The following BMP2K variants were observed in gnomAD, a reference collection of about 807,000 sequenced individuals.
BMP2K encodes the protein BMP2 inducible kinase.
BMP2K carries 74 observed loss-of-function variants against 116.0 expected under a neutral mutation model. The observed-to-expected ratio is 0.64, with a 90% CI of 0.53 to 0.77. BMP2K has a LOEUF of 0.77. Among genes scored for constraint, BMP2K ranks in the 30% least tolerant of loss-of-function variants. The probability of loss-of-function intolerance (pLI) is 0.00; values close to 1 mark genes in which losing one functional copy is unlikely to be tolerated. For missense variants in BMP2K, 1,365 were observed against 1,403.6 expected (o/e 0.97, Z 0.44); for synonymous variants, 486 against 502.5 (o/e 0.97, Z 0.44).
chr4:78,839,931 C>T (rs1730677414), intron 3 of BMP2K, among the ~76,000 whole-genome samples: 1 of 152,156 alleles, frequency 6.6e-6, no homozygotes, highest in Admixed American at 6.5e-5. Context: ...AAATGTTAAT[C>T]TCCTTTGGGA....
At chr4:78,842,587 G>A (rs1577918071) in intron 4 of BMP2K, 60 bp downstream of exon 4, 1 of 1,436,656 alleles carries the variant, frequency 7.0e-7, no homozygotes, top group Admixed American at 2.1e-5. Context: ...TGTTCTTGGA[G>A]TATTTTCATC....
At chr4:78,865,348 A>G (rs565419231) in intron 9 of BMP2K, among the ~76,000 whole-genome samples, 56 of 152,098 alleles carry the variant, frequency 3.7e-4, no homozygotes, top group Admixed American at 1.0e-3. Flanking sequence ...ATGGTTGTGT[A>G]CTGTTTTAAG....
intron 14 of BMP2K, 135 bp from the exon 15 acceptor site, chr4:78,887,039 A>C: frequency 1.6e-6 from 1 of 615,228 alleles, no homozygotes; most frequent in Admixed American, 2.9e-5. Context: ...TTACAGTGAT[A>C]GATTCTGAAC....
At chr4:78,783,500 C>T (rs1383867836) in intron 1 of BMP2K, among the ~76,000 whole-genome samples, 1 of 152,128 alleles carries the variant, frequency 6.6e-6, no homozygotes, top group African/African-American at 2.4e-5. Flanking sequence ...GCATTTATCT[C>T]CAGTAAAGGT....
At chr4:78,818,179 T>A (rs564490792) in intron 1 of BMP2K, among the ~76,000 whole-genome samples, 1 of 152,176 alleles carries the variant, frequency 6.6e-6, no homozygotes, top group African/African-American at 2.4e-5. Context: ...ACGTGCAGGT[T>A]TGTTACATAG....
intron 12 of BMP2K, 166 bp from the exon 13 acceptor site, chr4:78,872,448 A>G (rs2110060689): frequency 3.6e-6 from 2 of 562,690 alleles, no homozygotes; most frequent in Admixed American, 3.4e-5. Context: ...GATTTATTTC[A>G]TCTTGCTGTA....
rs941189999 is a variant in BMP2K, at chr4:78,792,603, C to T, written c.178+15882C>T. Among the ~76,000 whole-genome samples, 3 of 151,934 alleles carry T rather than the reference C, an allele frequency of 2.0e-5. No homozygotes were observed. In the South Asian group the frequency reaches 6.2e-4, roughly 31 times the overall value. ...ACTTGTCTTAGCCATTGTGAGCTTA[C>T]AGTTCCCTATTACTTTAAAAGCCTT... is the stretch of plus-strand genomic sequence containing the variant. On this transcript the variant is annotated intron_variant, in intron 1 of 15. Coordinates refer to ENST00000502613, the MANE Select transcript of BMP2K (RefSeq NM_198892.2).
At chr4:78,880,338 C>T (rs1732836404) in intron 14 of BMP2K, among the ~76,000 whole-genome samples, 1 of 152,216 alleles carries the variant, frequency 6.6e-6, no homozygotes, top group South Asian at 2.1e-4. Flanking sequence ...TCCCAAAGTA[C>T]TGGGATTACA....
intron 15 of BMP2K, chr4:78,898,825 C>T (rs61073409): frequency 0.069 from 10,471 of 152,030 alleles, 499 homozygotes; most frequent in East Asian, 0.22. Flanking sequence ...TACTTCAAGT[C>T]TGAGAAGTAG....
intron 2 of BMP2K, among the ~76,000 whole-genome samples, chr4:78,829,787 T>TTTTCTCTTCTCTTCTCTTCTC (rs1730091260): frequency 8.0e-4 from 69 of 86,644 alleles, no homozygotes; most frequent in African/African-American, 9.2e-4. Context: ...TTTCTTTTCT[T>TTTTCTCTTCTCTTCTCTTCTC]TTCTCTTCTC....
chr4:78,888,156 A>G (rs1733205924), intron 15 of BMP2K: 1 of 152,210 alleles, frequency 6.6e-6, no homozygotes, highest in Non-Finnish European at 1.5e-5. Context: ...TATCTGGAAT[A>G]TACAGGATAG....
chr4:78,860,235 A>G (rs1731707800), intron 8 of BMP2K, among the ~76,000 whole-genome samples: 1 of 151,744 alleles, frequency 6.6e-6, no homozygotes, highest in South Asian at 2.1e-4. Flanking sequence ...TGGGTACAAT[A>G]TACACTATTT....
intron 1 of BMP2K, among the ~76,000 whole-genome samples, chr4:78,783,983 T>G (rs1727622189): frequency 6.6e-6 from 1 of 152,098 alleles, no homozygotes; most frequent in African/African-American, 2.4e-5. Context: ...TGAAAATGAA[T>G]TAATATTTGT....
At chr4:78,831,957 A>G (rs1010931389) in intron 2 of BMP2K, among the ~76,000 whole-genome samples, 6 of 152,062 alleles carry the variant, frequency 3.9e-5, no homozygotes, top group Admixed American at 6.6e-5. Context: ...ACACAGGTGC[A>G]TATATATATT....
chr4:78,899,505 C>T (rs748381792), intron 15 of BMP2K, among the ~76,000 whole-genome samples: 2 of 151,986 alleles, frequency 1.3e-5, no homozygotes, highest in African/African-American at 2.4e-5. Flanking sequence ...AGTGGTAGTT[C>T]ATGCCAGTTA....
chr4:78,795,966 T>G (rs934899895), intron 1 of BMP2K, among the ~76,000 whole-genome samples: 3 of 151,604 alleles, frequency 2.0e-5, no homozygotes, highest in Non-Finnish European at 2.9e-5. Flanking sequence ...GTTCAACCAT[T>G]GTGGAAGTCA....
At chr4:78,880,956 A>G (rs934791344) in intron 14 of BMP2K, among the ~76,000 whole-genome samples, 1 of 152,224 alleles carries the variant, frequency 6.6e-6, no homozygotes. Flanking sequence ...AAACAGCTAC[A>G]TGGTCCATGA....
In BMP2K at chr4:78,903,105, G is replaced by T. The variant is rs1366057361; in HGVS notation, c.2063-7505G>T. Among the ~76,000 whole-genome samples the T allele has an allele frequency of 3.3e-5, 5 of 151,954 alleles. No homozygotes were observed. In the South Asian group the frequency reaches 1.0e-3, roughly 32 times the overall value. On this transcript the variant is annotated intron_variant, in intron 15 of 15. Coordinates refer to ENST00000502613, the MANE Select transcript of BMP2K (RefSeq NM_198892.2). ...AATTTTCCCACCAAGGTATTGTATT[G>T]TATTGTATGCCATACAATACCTTGC...
chr4:78,879,227 C>T (rs1003179073), intron 14 of BMP2K: 5 of 1,029,546 alleles, frequency 4.9e-6, no homozygotes, highest in Non-Finnish European at 4.7e-6. Context: ...ATTATTTTGC[C>T]TTACTAATGA....
Sources: allele counts gnomAD v4.1 joint callset (sites outside exome capture counted in the v4.1 genomes callset), GRCh38; gene constraint gnomAD v4.1.1; transcripts MANE v1.5; gene names NCBI Gene and HGNC (gene_info 2026-07-23, HGNC 2026-07-21).